The following ENPP3 variants were observed in gnomAD, a reference collection of about 807,000 sequenced individuals.
ENPP3 encodes the protein ectonucleotide pyrophosphatase/phosphodiesterase 3, also known as ectonucleotide pyrophosphatase/phosphodiesterase family member 3.
A neutral mutation model predicts 117.8 loss-of-function variants in ENPP3; 104 were observed. The ratio of observed to expected loss-of-function variants is 0.88; its 90% CI spans 0.75 to 1.04. The LOEUF (loss-of-function observed/expected upper bound fraction) is 1.04. Ranked by LOEUF, ENPP3 falls within the 50% of genes least tolerant of loss-of-function variation. The probability of loss-of-function intolerance (pLI) is 0.00; values close to 1 mark genes in which losing one functional copy is unlikely to be tolerated. For missense variants in ENPP3, 1,026 were observed against 1,051.9 expected, an observed-to-expected ratio of 0.98 and a Z score of 0.34; for synonymous variants, 380 against 349.9, an observed-to-expected ratio of 1.09 and a Z score of -0.96.
chr6:131,680,454 T>G (rs1348337686), intron 11 of ENPP3, among the ~76,000 whole-genome samples: 3 of 152,074 alleles, frequency 2.0e-5, no homozygotes, highest in Admixed American at 6.5e-5. Context: ...AAATGTGGAT[T>G]TAAAGCTCAA....
intron 12 of ENPP3, among the ~76,000 whole-genome samples, chr6:131,683,781 C>T (rs1460142667): frequency 1.1e-4 from 15 of 141,252 alleles, no homozygotes; most frequent in African/African-American, 4.0e-4. Context: ...GATAGAGTCT[C>T]GCTCTGTCAC....
At chr6:131,642,081 TGCC>T (rs1202418656) in intron 2 of ENPP3, among the ~76,000 whole-genome samples, 2 of 151,948 alleles carry the variant, frequency 1.3e-5, no homozygotes, top group Non-Finnish European at 2.9e-5. Flanking sequence ...AGGTGTGAGT[TGCC>T]GCGCCTGGCC....
In ENPP3 at chr6:131,637,366, C is replaced by A; in HGVS notation, c.-19C>A. ...ACTAATTTATTCTGATAAAACAGGT[C>A]TATGCAGCTACCAGGACAATGGAAT... On this transcript the variant is annotated 5_prime_UTR_variant, in exon 1 of 25. Transcript: ENST00000357639. 1 of 1,542,432 alleles carries A rather than the reference C, an allele frequency of 6.5e-7. No homozygotes were observed. The highest frequency in any genetic ancestry group is 8.8e-7 in the Non-Finnish European group (1 of 1,135,514).
rs568742247 is a variant in ENPP3 at position 131,683,054 on chromosome 6, G to T, written c.1012G>T (p.Val338Leu). Residue 338 changes from valine (V) to leucine (L), a missense_variant and splice_region_variant, in exon 12 of 25, where the codon GTA (valine) becomes TTA (leucine). Coordinates refer to ENST00000357639, the MANE Select transcript of ENPP3 (RefSeq NM_005021.5). ...ATCTTAACTCCAAATTATTTTTCAG[G>T]TAATTAAAGCCTTACAGGTAGTAGA... is the stretch of plus-strand genomic sequence containing the variant. ...GHAGGPVSAR[V>L]IKALQVVDHA... The T allele has an allele frequency of 6.3e-7, 1 of 1,579,158 alleles. No homozygotes were observed. Among genetic ancestry groups the T allele is most frequent in the African/African-American group, 1.3e-5 (1 of 74,146 alleles).
intron 2 of ENPP3, among the ~76,000 whole-genome samples, chr6:131,646,274 C>CTGTG (rs34014584): frequency 0.035 from 5,121 of 145,556 alleles, 120 homozygotes; most frequent in South Asian, 0.062. Context: ...TCTCAATACT[C>CTGTG]TGTGTGTGTG....
chr6:131,655,815 A>G (rs1438926544), intron 5 of ENPP3, among the ~76,000 whole-genome samples: 1 of 152,190 alleles, frequency 6.6e-6, no homozygotes, highest in Admixed American at 6.5e-5. Context: ...GCAAGGCAAG[A>G]CTAGAAAGGA....
intron 24 of ENPP3, among the ~76,000 whole-genome samples, chr6:131,746,536 A>C (rs544217078): frequency 6.6e-6 from 1 of 152,312 alleles, no homozygotes; most frequent in Non-Finnish European, 1.5e-5. Context: ...ATTTAATTTC[A>C]TTAAAAAAAT....
intron 11 of ENPP3, among the ~76,000 whole-genome samples, chr6:131,678,860 T>C (rs990245844): frequency 6.6e-6 from 1 of 152,180 alleles, no homozygotes; most frequent in African/African-American, 2.4e-5. Flanking sequence ...AAGCGTGAAC[T>C]ATCTAAAATA....
chr6:131,718,198 A>G (rs75198118), intron 15 of ENPP3, among the ~76,000 whole-genome samples: 2,117 of 152,332 alleles, frequency 0.014, 54 homozygotes, highest in African/African-American at 0.048. Context: ...GGAAAACAGA[A>G]ATTGATATTT....
intron 16 of ENPP3, among the ~76,000 whole-genome samples, chr6:131,719,132 T>TG (rs1205191434): frequency 2.0e-5 from 3 of 151,920 alleles, no homozygotes; most frequent in Non-Finnish European, 2.9e-5. Context: ...TGGGGTACCC[T>TG]GGGGGGCAGT....
chr6:131,638,503 A>AAGTGATCCTCCTGCCTCAGCCTCC (rs1173768310), intron 1 of ENPP3: 10 of 453,746 alleles, frequency 2.2e-5, no homozygotes, highest in Non-Finnish European at 3.5e-5. Flanking sequence ...TCCCAGGCTC[A>AAGTGATCCTCCTGCCTCAGCCTCC]AGTGATCCTC....
Position 131,680,685 on chromosome 6 carries a change from A to C in ENPP3, c.1012-2369A>C, listed in dbSNP as rs560364400. Among the ~76,000 whole-genome samples the C allele has an allele frequency of 4.6e-5, 7 of 152,314 alleles. No individual in the cohort carries two copies. The South Asian group carries it at 1.5e-3, about 32-fold the overall frequency. The stretch of plus-strand genomic sequence containing the variant: ...TTTATTCAGAGTTAATATGACTTAT[A>C]AATTGACAGTAAAAAGGCGATTTTA... On this transcript the variant is annotated intron_variant, in intron 11 of 24. Transcript: ENST00000357639.
At chr6:131,725,866 T>A (rs1479650564) in intron 19 of ENPP3, among the ~76,000 whole-genome samples, 180 bp from the exon 20 acceptor site, 2 of 152,130 alleles carry the variant, frequency 1.3e-5, no homozygotes, top group Non-Finnish European at 2.9e-5. Flanking sequence ...TTATTTTTAA[T>A]AATTATACAT....
chr6:131,720,235 A>C, intron 16 of ENPP3, 57 bp from the exon 17 acceptor site: 2 of 1,112,010 alleles, frequency 1.8e-6, no homozygotes, highest in Non-Finnish European at 2.6e-6. Flanking sequence ...CTCTTCCTAT[A>C]TTTGTTTTTG....
chr6:131,674,838 G>A (rs1232754930), intron 8 of ENPP3, among the ~76,000 whole-genome samples: 1 of 151,992 alleles, frequency 6.6e-6, no homozygotes, highest in Admixed American at 6.6e-5. Flanking sequence ...CCAAAGTGCT[G>A]GGATTACAGG....
At chr6:131,741,077 CT>C (rs1404557530) in intron 24 of ENPP3, among the ~76,000 whole-genome samples, 1 of 152,046 alleles carries the variant, frequency 6.6e-6, no homozygotes, top group Non-Finnish European at 1.5e-5. Flanking sequence ...AAGTAACATT[CT>C]TTTTTTAAAC....
chr6:131,691,443 G>A (rs1373803362), intron 14 of ENPP3, among the ~76,000 whole-genome samples: 1 of 151,832 alleles, frequency 6.6e-6, no homozygotes, highest in East Asian at 1.9e-4. Flanking sequence ...ACAAAAATTA[G>A]CCGGGCATGG....
At chr6:131,655,894 C>T (rs572378849) in intron 5 of ENPP3, among the ~76,000 whole-genome samples, 2 of 152,270 alleles carry the variant, frequency 1.3e-5, no homozygotes, top group East Asian at 3.9e-4. Flanking sequence ...TCCCCTCATT[C>T]TCTTTATTCC....
intron 24 of ENPP3, among the ~76,000 whole-genome samples, 150 bp from the exon 25 acceptor site, chr6:131,746,630 CTTTTTA>C: frequency 6.6e-6 from 1 of 152,078 alleles, no homozygotes; most frequent in East Asian, 1.9e-4. Context: ...CTTGTGTTTT[CTTTTTA>C]TTTTTAAAAA....
Sources: gnomAD v4.1 joint callset for allele counts (sites outside exome capture counted in the v4.1 genomes callset) on GRCh38, gnomAD v4.1.1 for gene constraint, MANE v1.5 for transcripts, NCBI Gene and HGNC (gene_info 2026-07-23, HGNC 2026-07-21) for gene names.